TMTC2: variants seen among roughly 807,000 people sequenced by gnomAD.
TMTC2 encodes the protein protein O-mannosyl-transferase TMTC2.
A neutral mutation model predicts 82.4 loss-of-function variants in TMTC2; 43 were observed. The ratio of observed to expected loss-of-function variants is 0.52; its 90% CI spans 0.41 to 0.67. TMTC2 has a LOEUF of 0.67. Among genes scored for constraint, TMTC2 ranks in the 30% least tolerant of loss-of-function variants. The pLI, the probability that TMTC2 is intolerant of heterozygous loss-of-function variation, is 0.00. For synonymous variants in TMTC2, 408 were observed against 381.9 expected (o/e 1.07, Z -0.80); for missense variants, 919 against 1,012.4 (o/e 0.91, Z 1.25).
rs1462216019 is a variant in TMTC2 at position 82,896,564 on chromosome 12, A to G, written c.1401A>G (p.Gly467=). The G allele has an allele frequency of 1.2e-6, 2 of 1,613,958 alleles. No homozygotes were observed. The highest frequency in any genetic ancestry group is 2.7e-5 in the African/African-American group (2 of 74,876). ...CAGCTACACTAATTGTTTTTTATGG[A>G]CTCAAGACTGCGATCAGGAATGGAG... is the stretch of plus-strand genomic sequence containing the variant. ...YATATLIVFY[G]LKTAIRNGDW... Residue 467 remains glycine (G), a synonymous_variant, in exon 3 of 12, where the codon GGA becomes GGG. Transcript: ENST00000321196.
chr12:83,017,663 T>C (rs1307708102), intron 8 of TMTC2, among the ~76,000 whole-genome samples: 1 of 152,160 alleles, frequency 6.6e-6, no homozygotes, highest in Non-Finnish European at 1.5e-5. Context: ...CATGGTAGAC[T>C]GGAAAGCAGT....
At chr12:82,770,991 G>A (rs902684658) in intron 1 of TMTC2, among the ~76,000 whole-genome samples, 4 of 152,034 alleles carry the variant, frequency 2.6e-5, no homozygotes, top group Non-Finnish European at 1.5e-5. Context: ...GGCGGATCAC[G>A]AGGTCAGGAA....
chr12:83,061,702 G>T, intron 10 of TMTC2, 66 bp from the exon 11 acceptor site: 1 of 1,368,540 alleles, frequency 7.3e-7, no homozygotes, highest in Non-Finnish European at 9.8e-7. Flanking sequence ...TTATTTTACT[G>T]CACAGTGATC....
At chr12:82,767,419 A>G (rs1245764351) in intron 1 of TMTC2, among the ~76,000 whole-genome samples, 1 of 152,160 alleles carries the variant, frequency 6.6e-6, no homozygotes, top group Non-Finnish European at 1.5e-5. Context: ...TCCTGTGTTT[A>G]CAAAAATAAA....
chr12:82,933,085 C>T (rs556847842), intron 4 of TMTC2, among the ~76,000 whole-genome samples: 2 of 152,166 alleles, frequency 1.3e-5, no homozygotes, highest in South Asian at 2.1e-4. Flanking sequence ...TAGGTTATGT[C>T]GTAAGTGCCC....
At chr12:83,107,776 C>CG (rs1373978997) in intron 11 of TMTC2, among the ~76,000 whole-genome samples, 1 of 151,984 alleles carries the variant, frequency 6.6e-6, no homozygotes, top group Non-Finnish European at 1.5e-5. Context: ...TTATGACCCC[C>CG]CGTGCCCACA....
intron 11 of TMTC2, among the ~76,000 whole-genome samples, chr12:83,077,775 A>G (rs564651827): frequency 2.1e-4 from 32 of 150,434 alleles, no homozygotes; most frequent in African/African-American, 7.3e-4. Flanking sequence ...GGGTTTCACC[A>G]CATTGGCCAG....
intron 1 of TMTC2, among the ~76,000 whole-genome samples, chr12:82,732,060 G>A (rs1292626963): frequency 6.6e-6 from 1 of 152,118 alleles, no homozygotes; most frequent in African/African-American, 2.4e-5. Context: ...CTAGATTTTG[G>A]CTAACATTTT....
chr12:83,098,591 C>A (rs1179065741), intron 11 of TMTC2, among the ~76,000 whole-genome samples: 1 of 152,174 alleles, frequency 6.6e-6, no homozygotes, highest in Non-Finnish European at 1.5e-5. Context: ...CATAGCATTG[C>A]TAACAATTCT....
chr12:82,701,319 T>C (rs909743115), intron 1 of TMTC2, among the ~76,000 whole-genome samples: 3 of 152,232 alleles, frequency 2.0e-5, no homozygotes, highest in Non-Finnish European at 4.4e-5. Flanking sequence ...ATGTACTGTT[T>C]GTTTTACAGT....
At chr12:82,740,812 C>T (rs971878722) in intron 1 of TMTC2, among the ~76,000 whole-genome samples, 1 of 152,168 alleles carries the variant, frequency 6.6e-6, no homozygotes, top group Non-Finnish European at 1.5e-5. Flanking sequence ...AGTTGCCTAC[C>T]TTTCTTTGAC....
intron 1 of TMTC2, among the ~76,000 whole-genome samples, chr12:82,708,253 T>G (rs1038426245): frequency 2.6e-5 from 4 of 152,204 alleles, no homozygotes; most frequent in Non-Finnish European, 5.9e-5. Context: ...CTGGCAAACT[T>G]ACTGATCCCT....
chr12:83,108,515 G>A lies in TMTC2; in HGVS notation c.2332-23695G>A, dbSNP rs1048880342. 1.2e-4 allele frequency among the ~76,000 whole-genome samples: 18 copies of A among 151,872 alleles called. No homozygotes were observed. In the East Asian group the frequency reaches 2.7e-3, roughly 23 times the overall value. ...CGTGGTGGCACACGCCTGTAGTCCCGGCTACTCGGGAGGCTGAGGCAGGAG... is the reference window on the plus strand; with the variant it reads ...CGTGGTGGCACACGCCTGTAGTCCCAGCTACTCGGGAGGCTGAGGCAGGAG... On this transcript the variant is annotated intron_variant, in intron 11 of 11. Transcript: ENST00000321196.
chr12:82,942,297 T>C (rs1350277736), intron 4 of TMTC2, among the ~76,000 whole-genome samples: 2 of 152,198 alleles, frequency 1.3e-5, no homozygotes, highest in Non-Finnish European at 2.9e-5. Flanking sequence ...TAGTGAAGTA[T>C]ATACTTGTAT....
intron 9 of TMTC2, among the ~76,000 whole-genome samples, chr12:83,033,999 A>G (rs958639602): frequency 3.3e-5 from 5 of 151,094 alleles, no homozygotes; most frequent in South Asian, 2.1e-4. Context: ...ATAGGTAGAT[A>G]TTTTCAATCA....
chr12:82,889,862 T>C (rs1873305744), intron 2 of TMTC2, among the ~76,000 whole-genome samples: 2 of 152,120 alleles, frequency 1.3e-5, no homozygotes, highest in Admixed American at 1.3e-4. Flanking sequence ...TATACCATGA[T>C]TTTTTTATTA....
intron 1 of TMTC2, among the ~76,000 whole-genome samples, chr12:82,732,914 A>G (rs1395927546): frequency 1.1e-4 from 16 of 152,210 alleles, no homozygotes. Context: ...CCTTGTTGTA[A>G]GGGAGTTCCA....
intron 8 of TMTC2, among the ~76,000 whole-genome samples, chr12:82,997,344 G>GTATATATATATATA (rs1241033159): frequency 1.4e-4 from 3 of 21,044 alleles, no homozygotes; most frequent in East Asian, 1.6e-3. Context: ...GTGTGTGTGT[G>GTATATATATATATA]TGTGTATATA....
At chr12:82,981,362 T>C (rs917756643) in intron 7 of TMTC2, among the ~76,000 whole-genome samples, 8 of 151,842 alleles carry the variant, frequency 5.3e-5, no homozygotes, top group Non-Finnish European at 1.2e-4. Flanking sequence ...CCTTAAGGAG[T>C]TAGCCTTTGC....
Sources: allele counts gnomAD v4.1 joint callset (sites outside exome capture counted in the v4.1 genomes callset), GRCh38; gene constraint gnomAD v4.1.1; transcripts MANE v1.5; gene names NCBI Gene and HGNC (gene_info 2026-07-23, HGNC 2026-07-21).